The following UBXN2B variants were observed in gnomAD, a reference collection of about 807,000 sequenced individuals.
UBXN2B encodes UBX domain protein 2B, also known as UBX domain-containing protein 2B.
In UBXN2B, 19 loss-of-function variants were observed where a neutral mutation model predicts 37.5. The observed-to-expected ratio is 0.51, with a 90% CI of 0.35 to 0.74. UBXN2B has a LOEUF of 0.74. UBXN2B is among the 30% of genes least tolerant of loss of function. The pLI is 0.01. For synonymous variants in UBXN2B, 145 were observed against 143.8 expected (o/e 1.01, Z -0.06); for missense variants, 370 against 393.2 (o/e 0.94, Z 0.50).
intron 2 of UBXN2B, among the ~76,000 whole-genome samples, chr8:58,423,852 CT>C (rs1413891134): frequency 1.3e-5 from 2 of 151,680 alleles, no homozygotes; most frequent in African/African-American, 2.4e-5. Context: ...AAGACAGTTA[CT>C]CAAATGCAAA....
At position 58,437,437 on chromosome 8, in the gene UBXN2B, C is replaced by G. The variant is rs142777492; in HGVS notation, c.534-2196C>G. 5.2e-3 allele frequency among the ~76,000 whole-genome samples: 760 copies of G among 146,716 alleles called. 4 individuals are homozygous for G. The highest frequency in any genetic ancestry group is 0.018 in the African/African-American group (701 of 39,524). On this transcript the variant is annotated intron_variant, in intron 5 of 7. Transcript: ENST00000399598. ...CCACCTCCCAGGTTCAAGCAATTCTCCTGCCTCAGCCTCCCAAGTAGGTGG... is the reference window on the plus strand; with the variant it reads ...CCACCTCCCAGGTTCAAGCAATTCTGCTGCCTCAGCCTCCCAAGTAGGTGG...
Position 58,433,258 on chromosome 8 carries a change from C to T in UBXN2B, c.423+15C>T, listed in dbSNP as rs1808328302. 6.3e-7 allele frequency: 1 copy of T among 1,575,394 alleles called. No homozygotes were observed. The highest frequency in any genetic ancestry group is 2.3e-5 in the East Asian group (1 of 44,140). ...AGCTGCAAGATGTAGGTACAATAAT[C>T]AAAATGAAAAAGTATAAATATTTGC... On this transcript the variant is annotated intron_variant, in intron 4 of 7. Coordinates refer to ENST00000399598, the MANE Select transcript of UBXN2B (RefSeq NM_001077619.2).
chr8:58,423,253 C>T (rs969209862), intron 2 of UBXN2B, among the ~76,000 whole-genome samples: 5 of 152,006 alleles, frequency 3.3e-5, no homozygotes, highest in African/African-American at 1.2e-4. Flanking sequence ...CCAGCCAGGC[C>T]ACTGAAAGAG....
At chr8:58,429,121 A>G (rs567809321) in intron 2 of UBXN2B, among the ~76,000 whole-genome samples, 4 of 152,362 alleles carry the variant, frequency 2.6e-5, no homozygotes, top group African/African-American at 9.6e-5. Flanking sequence ...TTTTGCGGTA[A>G]GGTCTTTCTC....
rs1807631501 is a variant in UBXN2B at position 58,411,411 on chromosome 8, C to T, written c.26C>T (p.Pro9Leu). 6 of 1,270,072 alleles carry T rather than the reference C, an allele frequency of 4.7e-6. No individual in the cohort carries two copies. In the East Asian group the frequency reaches 1.9e-4, roughly 40 times the overall value. The allele number at this position is 1,270,072 out of a possible 1,614,324, so 78.7% of individuals were successfully genotyped here. Residue 9 changes from proline (P) to leucine (L), a missense_variant, in exon 1 of 8, where the codon CCC (proline) becomes CTC (leucine). Physicochemically the swap from Pro to Leu is moderately conservative, Grantham distance 98. Coordinates refer to ENST00000399598, the MANE Select transcript of UBXN2B (RefSeq NM_001077619.2). MAEGGGPE[P>L]GEQERRSSGP... ...ATGGCGGAGGGCGGAGGCCCTGAGC[C>T]CGGCGAGCAGGAGAGGAGGTCTTCC...
In UBXN2B at chr8:58,427,657, A is replaced by G. The variant is rs192845384; in HGVS notation, c.189-2862A>G. On this transcript the variant is annotated intron_variant, in intron 2 of 7. Coordinates refer to ENST00000399598, the MANE Select transcript of UBXN2B (RefSeq NM_001077619.2). Reference sequence around the variant, plus strand: ...GATACAGGAAAAAGTGTGATTGTTAATGGGAGGGCTTATGTGTAGAAATAG... The same window carrying G: ...GATACAGGAAAAAGTGTGATTGTTAGTGGGAGGGCTTATGTGTAGAAATAG... Among the ~76,000 whole-genome samples, 172 of 152,312 alleles carry G rather than the reference A, an allele frequency of 1.1e-3. 2 individuals carry two copies. The East Asian group carries it at 0.026, about 23-fold the overall frequency.
Position 58,425,759 on chromosome 8 carries a change from A to T in UBXN2B, c.189-4760A>T, listed in dbSNP as rs1585603069. ...TTGTAGTACTGTACCCCATGTTTCCATCATAGGATTCTTCTTGTAATGTTC... is the reference window on the plus strand; with the variant it reads ...TTGTAGTACTGTACCCCATGTTTCCTTCATAGGATTCTTCTTGTAATGTTC... On this transcript the variant is annotated intron_variant, in intron 2 of 7. Transcript: ENST00000399598. 15 of 1,148,274 alleles carry T rather than the reference A, an allele frequency of 1.3e-5. No homozygotes were observed. The South Asian group carries it at 1.7e-4, about 13-fold the overall frequency. 71.1% of individuals were successfully genotyped at this position (1,148,274 alleles called of 1,614,324 possible). A position where few individuals can be genotyped will look rare whatever the true frequency, so the allele number is the denominator to read the frequency against.
chr8:58,416,944 C>T lies in UBXN2B; in HGVS notation c.179C>T (p.Pro60Leu), dbSNP rs995794867. The change falls in exon 2 of 8, where the codon CCA (proline) becomes CTA (leucine). Residue 60 changes from proline (P) to leucine (L), a missense_variant. Pro to Leu is a moderately conservative substitution (Grantham distance 98, BLOSUM62 -3). Transcript: ENST00000399598. ...KATVFKSPRT[P>L]PQRFYSSEHE... ...ACAGTCTTCAAGAGCCCACGGACAC[C>T]ACCTCAACGGTAAGTTTTATTTTGT... The T allele has an allele frequency of 6.3e-7, 1 of 1,598,574 alleles. No homozygotes were observed. The highest frequency in any genetic ancestry group is 1.3e-5 in the African/African-American group (1 of 74,556).
intron 6 of UBXN2B, among the ~76,000 whole-genome samples, chr8:58,442,521 TAC>T (rs1419496322): frequency 6.6e-6 from 1 of 152,216 alleles, no homozygotes; most frequent in African/African-American, 2.4e-5. Context: ...GCAGTCTAAT[TAC>T]ACACAGAATG....
intron 1 of UBXN2B, among the ~76,000 whole-genome samples, chr8:58,413,045 C>A (rs766189791): frequency 4.6e-5 from 7 of 152,120 alleles, no homozygotes; most frequent in Non-Finnish European, 8.8e-5. Context: ...GCTTAATGAC[C>A]ACCTGATTCT....
chr8:58,445,187 C>T (rs912257773), intron 6 of UBXN2B, among the ~76,000 whole-genome samples: 15 of 152,164 alleles, frequency 9.9e-5, no homozygotes, highest in African/African-American at 3.6e-4. Flanking sequence ...GATCATCCTG[C>T]TAGTGTTAGA....
chr8:58,416,997 T>C (rs1489181671), intron 2 of UBXN2B, 44 bp downstream of exon 2: 17 of 1,465,170 alleles, frequency 1.2e-5, no homozygotes, highest in Non-Finnish European at 1.6e-5. Flanking sequence ...TTATAATCCT[T>C]TCTAAAAATT....
intron 3 of UBXN2B, among the ~76,000 whole-genome samples, chr8:58,432,214 A>G (rs1808296404): frequency 6.6e-6 from 1 of 152,102 alleles, no homozygotes; most frequent in South Asian, 2.1e-4. Flanking sequence ...AAAATGTTAC[A>G]GCTTTACATT....
chr8:58,414,663 A>G (rs1238174854), intron 1 of UBXN2B, among the ~76,000 whole-genome samples: 1 of 151,994 alleles, frequency 6.6e-6, no homozygotes, highest in Non-Finnish European at 1.5e-5. Flanking sequence ...TATAAATTAA[A>G]TTTCTTTGTA....
rs1808757873 is a variant in UBXN2B at position 58,449,548 on chromosome 8, A to G, written c.*1997A>G. ...CCAACTGTGCACTTGTGAACCTAGA[A>G]AACAAGTTATCTGTTCCCAAGTATG... On this transcript the variant is annotated 3_prime_UTR_variant, in exon 8 of 8. Transcript: ENST00000399598. The G allele has an allele frequency of 6.6e-6, 1 of 152,200 alleles. No individual in the cohort carries two copies. The highest frequency in any genetic ancestry group is 2.1e-4 in the South Asian group (1 of 4,834). The allele number at this position is 152,200 out of a possible 1,614,324, so 9.4% of individuals were successfully genotyped here.
rs1807632934 is a variant in UBXN2B, at chr8:58,411,432, C to G, written c.47C>G (p.Ser16Cys). ...GAGCCCGGCGAGCAGGAGAGGAGGTCTTCCGGGCCGCGGCCTCCGAGCGCG... is the reference window on the plus strand; with the variant it reads ...GAGCCCGGCGAGCAGGAGAGGAGGTGTTCCGGGCCGCGGCCTCCGAGCGCG... ...GPEPGEQERRSSGPRPPSARD... is the reference protein window; with the variant it reads ...GPEPGEQERRCSGPRPPSARD... The change falls in exon 1 of 8, where the codon TCT becomes TGT. Residue 16 changes from serine to cysteine, a missense_variant. By Grantham distance (112) the Ser-to-Cys change is moderately radical. This residue lies in a region of UBXN2B where 197 missense variants were observed against 170.2 expected (regional missense o/e 1.16). Transcript: ENST00000399598. The G allele has an allele frequency of 7.9e-7, 1 of 1,261,354 alleles. No homozygotes were observed. 78.1% of individuals were successfully genotyped at this position (1,261,354 alleles called of 1,614,324 possible).
chr8:58,413,257 G>T (rs1358067189), intron 1 of UBXN2B: 1 of 152,078 alleles, frequency 6.6e-6, no homozygotes, highest in African/African-American at 2.4e-5. Flanking sequence ...GTGATTTGGT[G>T]TATCAAGTAC....
At chr8:58,428,420 C>T (rs1426629253) in intron 2 of UBXN2B, among the ~76,000 whole-genome samples, 1 of 152,158 alleles carries the variant, frequency 6.6e-6, no homozygotes, top group Non-Finnish European at 1.5e-5. Flanking sequence ...TGTGTAATGA[C>T]ATAATTGCAT....
intron 3 of UBXN2B, among the ~76,000 whole-genome samples, chr8:58,431,219 C>A (rs1808264559): frequency 6.6e-6 from 1 of 152,168 alleles, no homozygotes; most frequent in Non-Finnish European, 1.5e-5. Flanking sequence ...TGTGGTGGCT[C>A]ATGCCTGTAA....
Sources: gnomAD v4.1 joint callset for allele counts (sites outside exome capture counted in the v4.1 genomes callset) on GRCh38, gnomAD v4.1.1 for gene constraint, gnomAD v4.1.1 regional missense constraint, MANE v1.5 for transcripts, NCBI Gene and HGNC (gene_info 2026-07-23, HGNC 2026-07-21) for gene names.